The following CCM2 variants were observed in gnomAD, a reference collection of about 807,000 sequenced individuals.
CCM2 encodes the protein CCM2 scaffold protein.
A neutral mutation model predicts 44.9 loss-of-function variants in CCM2; 25 were observed. The observed-to-expected ratio is 0.56, with a 90% CI of 0.41 to 0.78. The LOEUF is 0.78. CCM2 is among the 30% of genes least tolerant of loss of function. CCM2 has a pLI of 0.00. For synonymous variants in CCM2, 219 were observed against 241.1 expected (o/e 0.91, Z 0.85); for missense variants, 481 against 580.6 (o/e 0.83, Z 1.76).
chr7:45,045,193 A>G (rs1484641197), intron 2 of CCM2, among the ~76,000 whole-genome samples: 3 of 152,146 alleles, frequency 2.0e-5, no homozygotes, highest in African/African-American at 7.2e-5. Flanking sequence ...CAGCTGATAG[A>G]GCAATTTCTT....
At chr7:45,024,962 C>T (rs918776229) in intron 1 of CCM2, among the ~76,000 whole-genome samples, 1 of 152,172 alleles carries the variant, frequency 6.6e-6, no homozygotes, top group Non-Finnish European at 1.5e-5. Flanking sequence ...TTGATTCTGC[C>T]TGCTCTTATT....
chr7:45,004,659 G>T (rs1280706784), intron 1 of CCM2, among the ~76,000 whole-genome samples: 1 of 152,176 alleles, frequency 6.6e-6, no homozygotes, highest in Non-Finnish European at 1.5e-5. Flanking sequence ...AAAGTTTAAA[G>T]GAACCACACT....
At chr7:45,008,068 A>C (rs1160873920) in intron 1 of CCM2, among the ~76,000 whole-genome samples, 3 of 121,090 alleles carry the variant, frequency 2.5e-5, no homozygotes, top group African/African-American at 9.5e-5. Flanking sequence ...TTTGAGGTGG[A>C]GTCTTGCTCT....
chr7:45,027,759 C>T (rs1416085683), intron 1 of CCM2: 1 of 1,614,170 alleles, frequency 6.2e-7, no homozygotes, highest in Non-Finnish European at 8.5e-7. Context: ...AGAAATTCCT[C>T]AAACAGAATT....
At position 45,062,232 on chromosome 7, in the gene CCM2, A is replaced by G. The variant is rs143698941; in HGVS notation, c.205-1686A>G. ...GAAAGTCCCATTTCATTCTTTTTTA[A>G]TAGAGAACTTAACTGTGTGAGGTAA... is the stretch of plus-strand genomic sequence containing the variant. On this transcript the variant is annotated intron_variant, in intron 2 of 9. Coordinates refer to ENST00000258781, the MANE Select transcript of CCM2 (RefSeq NM_031443.4). Among the ~76,000 whole-genome samples, 793 of 152,274 alleles carry G rather than the reference A, an allele frequency of 5.2e-3. 2 individuals are homozygous for G. The highest frequency in any genetic ancestry group is 8.8e-3 in the Non-Finnish European group (602 of 68,024).
At position 45,076,122 on chromosome 7, in the gene CCM2, C is replaced by A; in HGVS notation, c.*65C>A. 1.3e-6 allele frequency: 2 copies of A among 1,599,798 alleles called. No individual in the cohort carries two copies. The highest frequency in any genetic ancestry group is 1.7e-6 in the Non-Finnish European group (2 of 1,175,398). On this transcript the variant is annotated 3_prime_UTR_variant, in exon 10 of 10. Transcript: ENST00000258781. ...TCGTCATAGGCCTTCCCAGAAGGAG[C>A]TGCCCAGACCTGCGTGTCAGCCCTT...
At chr7:45,003,466 T>G (rs1045339639) in intron 1 of CCM2, among the ~76,000 whole-genome samples, 25 of 152,162 alleles carry the variant, frequency 1.6e-4, no homozygotes, top group African/African-American at 5.6e-4. Context: ...TTGTCAGGGT[T>G]GGGTGTAGGT....
intron 1 of CCM2, among the ~76,000 whole-genome samples, chr7:45,036,107 G>C (rs570689961): frequency 6.6e-6 from 1 of 152,258 alleles, no homozygotes; most frequent in African/African-American, 2.4e-5. Flanking sequence ...AGGACCTGAG[G>C]AACATCTATC....
At chr7:45,072,959 C>G in intron 7 of CCM2, 176 bp downstream of exon 7, 1 of 688,260 alleles carries the variant, frequency 1.5e-6, no homozygotes, top group Non-Finnish European at 2.6e-6. Flanking sequence ...GCCCTCTCCT[C>G]GTAGACTTCT....
rs747299954 is a variant in CCM2, at chr7:45,076,178, G to C, written c.*121G>C. The C allele has an allele frequency of 2.8e-6, 4 of 1,414,794 alleles. No homozygotes were observed. Among genetic ancestry groups the C allele is most frequent in the Admixed American group, 1.9e-5 (1 of 51,634 alleles). 87.6% of individuals were successfully genotyped at this position (1,414,794 alleles called of 1,614,324 possible). On this transcript the variant is annotated 3_prime_UTR_variant, in exon 10 of 10. Coordinates refer to ENST00000258781, the MANE Select transcript of CCM2 (RefSeq NM_031443.4). ...TGGCCAGGGAGAGGCGCCCGGTGCA[G>C]ATGGCCCCGGGCGGCCCAGGTCCTC... is the stretch of plus-strand genomic sequence containing the variant.
chr7:45,068,233 GC>G (rs1798878884), intron 4 of CCM2: 1 of 631,016 alleles, frequency 1.6e-6, no homozygotes, highest in East Asian at 2.8e-5. Flanking sequence ...CAGCTCTGGT[GC>G]CCTTGGAGCT....
chr7:45,032,427 C>T (rs1230991316), intron 1 of CCM2, among the ~76,000 whole-genome samples: 1 of 152,150 alleles, frequency 6.6e-6, no homozygotes, highest in Non-Finnish European at 1.5e-5. Flanking sequence ...GGTTGTATCT[C>T]CTGTTCATTC....
At chr7:45,074,812 C>T (rs1246231797) in intron 9 of CCM2, among the ~76,000 whole-genome samples, 2 of 152,138 alleles carry the variant, frequency 1.3e-5, no homozygotes, top group African/African-American at 2.4e-5. Context: ...GAAGGACCAG[C>T]GTTTGCCAAG....
intron 1 of CCM2, among the ~76,000 whole-genome samples, chr7:45,023,817 T>G (rs1460866236): frequency 6.3e-5 from 9 of 143,366 alleles, no homozygotes; most frequent in African/African-American, 1.0e-4. Context: ...TTTTTTTTTT[T>G]TTTTTTTTAT....
chr7:45,065,473 G>A (rs1798728399), intron 4 of CCM2, among the ~76,000 whole-genome samples: 1 of 152,232 alleles, frequency 6.6e-6, no homozygotes, highest in Non-Finnish European at 1.5e-5. Flanking sequence ...GTCACAGTGG[G>A]TCTGCCTAGA....
intron 6 of CCM2, chr7:45,071,023 TG>T (rs1279382516): frequency 6.6e-6 from 1 of 152,290 alleles, no homozygotes; most frequent in Admixed American, 6.5e-5. Context: ...CTACACGCCT[TG>T]TGTTGGCCCA....
intron 1 of CCM2, among the ~76,000 whole-genome samples, chr7:45,011,480 A>G (rs1796065531): frequency 6.6e-6 from 1 of 152,008 alleles, no homozygotes; most frequent in African/African-American, 2.4e-5. Context: ...TATAGGTGTG[A>G]GCCACTGTAC....
intron 1 of CCM2, among the ~76,000 whole-genome samples, chr7:45,009,928 T>A (rs1377436266): frequency 6.6e-6 from 1 of 151,542 alleles, no homozygotes; most frequent in Non-Finnish European, 1.5e-5. Context: ...TTTTTTTTTT[T>A]AAACAGGGTC....
rs184400520 is a variant in CCM2 at position 45,072,888 on chromosome 7, C to G, written c.803+105C>G. 8.1e-4 allele frequency: 767 copies of G among 949,942 alleles called. 5 individuals carry two copies. In the African/African-American group the frequency reaches 0.011, roughly 13 times the overall value. 58.8% of individuals were successfully genotyped at this position (949,942 alleles called of 1,614,324 possible). The stretch of plus-strand genomic sequence containing the variant: ...CAGCTCCCCCATCTCAGCTCACCCT[C>G]GCTAAGCCATCCCCAGACCCACTGT... On this transcript the variant is annotated intron_variant, in intron 7 of 9. Coordinates refer to ENST00000258781, the MANE Select transcript of CCM2 (RefSeq NM_031443.4).
Sources: gnomAD v4.1 joint callset for allele counts (sites outside exome capture counted in the v4.1 genomes callset) on GRCh38, gnomAD v4.1.1 for gene constraint, MANE v1.5 for transcripts, NCBI Gene and HGNC (gene_info 2026-07-23, HGNC 2026-07-21) for gene names.